The following SETX variants were observed in gnomAD, a reference collection of about 807,000 sequenced individuals.
SETX encodes the protein senataxin, also known as helicase senataxin.
Under a neutral mutation model 227.2 loss-of-function variants are expected in SETX, and 90 were observed. The ratio of observed to expected loss-of-function variants is 0.40; its 90% CI spans 0.33 to 0.47. SETX has a LOEUF of 0.47. Ranked by LOEUF, SETX falls within the 20% of genes least tolerant of loss-of-function variation. SETX has a pLI of 0.91. For missense variants in SETX, 3,052 were observed against 3,181.5 expected (o/e 0.96, Z 0.98); for synonymous variants, 1,210 against 1,113.2 (o/e 1.09, Z -1.73).
intron 11 of SETX, 64 bp downstream of exon 11, chr9:132,311,693 C>T (rs1845668997): frequency 8.5e-7 from 1 of 1,177,756 alleles, no homozygotes; most frequent in African/African-American, 1.5e-5. Context: ...AATGCTATCT[C>T]CTCTTAATTA....
intron 3 of SETX, among the ~76,000 whole-genome samples, 173 bp from the exon 4 acceptor site, chr9:132,346,644 A>C (rs1406596972): frequency 2.0e-5 from 3 of 152,156 alleles, no homozygotes; most frequent in Non-Finnish European, 4.4e-5. Context: ...TTTTATGAAA[A>C]GTGAGTACAC....
intron 10 of SETX, among the ~76,000 whole-genome samples, chr9:132,314,439 G>A (rs1845850423): frequency 6.6e-6 from 1 of 152,122 alleles, no homozygotes; most frequent in African/African-American, 2.4e-5. Flanking sequence ...TGGCCAGCTG[G>A]TCTCAAACTC....
chr9:132,287,570 ATGT>A (rs1449791108), intron 17 of SETX, among the ~76,000 whole-genome samples: 1 of 152,224 alleles, frequency 6.6e-6, no homozygotes, highest in Non-Finnish European at 1.5e-5. Context: ...CCATTTGTTT[ATGT>A]ATTATCTATG....
Position 132,327,667 on chromosome 9 carries a change from G to A in SETX, c.3931C>T (p.Arg1311Cys), listed in dbSNP as rs773999398. The A allele has an allele frequency of 9.9e-6, 16 of 1,613,694 alleles. No individual in the cohort carries two copies. Among genetic ancestry groups the A allele is most frequent in the Non-Finnish European group, 1.3e-5 (15 of 1,179,920 alleles). The change falls in exon 10 of 26, where the codon CGT becomes TGT. Residue 1311 changes from arginine to cysteine, a missense_variant. This residue lies in a region of SETX where 1,483 missense variants were observed against 1,312.0 expected (regional missense o/e 1.13). Transcript: ENST00000224140. ...ACTCCAACAGTTTTGCCATGATCAC[G>A]TAATTGAGCTACATAATCCAAAGAC... ...QRSLDYVAQLRDHGKTVGVVD... is the reference protein window; with the variant it reads ...QRSLDYVAQLCDHGKTVGVVD...
In SETX at chr9:132,331,043, G is replaced by A. The variant is rs1847194182; in HGVS notation, c.1098+9C>T. ...AAAATAGCATCTGAATTTTCAAAGT[G>A]TTTTATACCTTTTTGGTCTTTTCAG... On this transcript the variant is annotated intron_variant, in intron 9 of 25. Transcript: ENST00000224140. The A allele has an allele frequency of 2.5e-6, 4 of 1,587,500 alleles. No individual in the cohort carries two copies. The highest frequency in any genetic ancestry group is 3.5e-6 in the Non-Finnish European group (4 of 1,155,546).
chr9:132,291,201 C>G (rs983892812), intron 15 of SETX, among the ~76,000 whole-genome samples: 1 of 114,196 alleles, frequency 8.8e-6, no homozygotes, highest in Non-Finnish European at 1.6e-5. Context: ...GAGTCTTGCT[C>G]TGTCTCCTAG....
Position 132,298,445 on chromosome 9 carries a change from T to C in SETX, c.5549-133A>G, listed in dbSNP as rs375228344. ...TTACATAATTTACCCAGTAAATATT[T>C]ATGGACTGCTTCCTGAACCCAGTAA... On this transcript the variant is annotated intron_variant, in intron 12 of 25. Coordinates refer to ENST00000224140, the MANE Select transcript of SETX (RefSeq NM_015046.7). 81 of 794,718 alleles carry C rather than the reference T, an allele frequency of 1.0e-4. 1 individual carries two copies. In the East Asian group the frequency reaches 1.8e-3, roughly 18 times the overall value. The allele number at this position is 794,718 out of a possible 1,614,324, so 49.2% of individuals were successfully genotyped here. A position where few individuals can be genotyped will look rare whatever the true frequency, so the allele number is the denominator to read the frequency against.
chr9:132,326,242 A>C, intron 10 of SETX, 82 bp downstream of exon 10: 1 of 1,116,868 alleles, frequency 9.0e-7, no homozygotes. Context: ...GATTTTTTGA[A>C]CTATACTCTC....
chr9:132,356,549 T>G (rs1420545996), upstream of SETX, among the ~76,000 whole-genome samples: 2 of 152,130 alleles, frequency 1.3e-5, no homozygotes, highest in South Asian at 4.1e-4. Flanking sequence ...TGATGCAGCG[T>G]CACCGTCTTA....
rs1044538102 is a variant in SETX, at chr9:132,337,462, A to G, written c.499-947T>C. Among the ~76,000 whole-genome samples, 4 of 152,066 alleles carry G rather than the reference A, an allele frequency of 2.6e-5. No individual in the cohort carries two copies. In the East Asian group the frequency reaches 7.7e-4, roughly 29 times the overall value. ...AAAAAAAAAAAACAAGAACAGAAAA[A>G]TATCAAGAGTGCATCCTTCATAGTA... On this transcript the variant is annotated intron_variant, in intron 5 of 25. Coordinates refer to ENST00000224140, the MANE Select transcript of SETX (RefSeq NM_015046.7).
At chr9:132,355,128 C>G (rs959837874), upstream of SETX, 3 of 152,240 alleles carry the variant, frequency 2.0e-5, no homozygotes, top group Non-Finnish European at 2.9e-5. Flanking sequence ...ATGGGAAGAG[C>G]GGCCGCGGTG....
At chr9:132,273,163 G>T (rs1434098671) in intron 23 of SETX, among the ~76,000 whole-genome samples, 2 of 150,908 alleles carry the variant, frequency 1.3e-5, no homozygotes, top group Admixed American at 6.6e-5. Context: ...TTATTTAGGT[G>T]GTTTTTTTTT....
chr9:132,356,615 A>T (rs1347727948), upstream of SETX, among the ~76,000 whole-genome samples: 1 of 152,156 alleles, frequency 6.6e-6, no homozygotes, highest in African/African-American at 2.4e-5. Flanking sequence ...CTCAGGCGAT[A>T]AAAAAAGAGG....
intron 10 of SETX, among the ~76,000 whole-genome samples, chr9:132,318,753 A>G (rs987956064): frequency 2.0e-5 from 3 of 152,296 alleles, no homozygotes; most frequent in Middle Eastern, 3.4e-3. Context: ...CCCACTGCAG[A>G]CATGAGCTAG....
chr9:132,342,900 CTTT>C, intron 4 of SETX, 101 bp from the exon 5 acceptor site: 1 of 916,456 alleles, frequency 1.1e-6, no homozygotes, highest in Admixed American at 2.0e-5. Flanking sequence ...TAAAAATTTG[CTTT>C]TTATTTTTCC....
chr9:132,312,115 T>C (rs1373235937), intron 10 of SETX, among the ~76,000 whole-genome samples: 1 of 152,218 alleles, frequency 6.6e-6, no homozygotes, highest in South Asian at 2.1e-4. Context: ...CTAGTCACAC[T>C]TGCAGTGCTC....
chr9:132,335,390 CAAAAAAAAAA>C (rs1157691529), intron 6 of SETX, among the ~76,000 whole-genome samples: 3 of 51,992 alleles, frequency 5.8e-5, no homozygotes, highest in Admixed American at 7.2e-4. Context: ...GACTCCGTCT[CAAAAAAAAAA>C]AAAAAAAAAA....
Position 132,288,220 on chromosome 9 carries a change from A to T in SETX, c.6324+16T>A. 1 of 1,600,342 alleles carries T rather than the reference A, an allele frequency of 6.2e-7. No homozygotes were observed. Among genetic ancestry groups the T allele is most frequent in the African/African-American group, 1.3e-5 (1 of 74,754 alleles). ...GTTCGTATACCTGAGTTATTATTCA[A>T]GAAATGCAAAGATACCTGTATTTCC... On this transcript the variant is annotated intron_variant, in intron 17 of 25. Transcript: ENST00000224140.
chr9:132,292,415 C>CAAAAAAAAAAAAAAAAAAAA (rs60253119), intron 15 of SETX, among the ~76,000 whole-genome samples: 2 of 61,090 alleles, frequency 3.3e-5, no homozygotes, highest in African/African-American at 9.1e-5. Context: ...AGCTGGGGTA[C>CAAAAAAAAAAAAAAAAAAAA]AAAAAAAAAA....
Sources: allele counts gnomAD v4.1 joint callset (sites outside exome capture counted in the v4.1 genomes callset), GRCh38; gene constraint gnomAD v4.1.1; regional missense constraint gnomAD v4.1.1; transcripts MANE v1.5; gene names NCBI Gene and HGNC (gene_info 2026-07-23, HGNC 2026-07-21).